The following RAB7A variants were observed in gnomAD, a reference collection of about 807,000 sequenced individuals.
RAB7A encodes ras-related protein Rab-7a.
A neutral mutation model predicts 24.5 loss-of-function variants in RAB7A; 2 were observed. The observed-to-expected ratio is 0.08, with a 90% confidence interval of 0.03 to 0.26. RAB7A has a LOEUF of 0.26. Among genes scored for constraint, RAB7A ranks in the 10% least tolerant of loss-of-function variants. The pLI is 1.00. For synonymous variants in RAB7A, 100 were observed against 95.9 expected (o/e 1.04, Z -0.25); for missense variants, 118 against 255.7 (o/e 0.46, Z 3.67).
intron 1 of RAB7A, among the ~76,000 whole-genome samples, chr3:128,776,052 C>A (rs887388472): frequency 1.3e-5 from 2 of 152,178 alleles, no homozygotes; most frequent in Admixed American, 6.5e-5. Flanking sequence ...GTCACCCTAC[C>A]CTCAGGTTCT....
chr3:128,738,915 G>A (rs999919080), intron 1 of RAB7A, among the ~76,000 whole-genome samples: 4 of 152,204 alleles, frequency 2.6e-5, no homozygotes, highest in Non-Finnish European at 5.9e-5. Context: ...CTTAAGCAAG[G>A]CCATAGTATG....
At chr3:128,776,760 A>T (rs1341835997) in intron 1 of RAB7A, among the ~76,000 whole-genome samples, 3 of 152,124 alleles carry the variant, frequency 2.0e-5, no homozygotes, top group African/African-American at 7.2e-5. Context: ...TAATACTTTC[A>T]GCAGCCTCCA....
intron 1 of RAB7A, among the ~76,000 whole-genome samples, chr3:128,751,531 A>T (rs890986309): frequency 6.6e-6 from 1 of 152,178 alleles, no homozygotes; most frequent in Non-Finnish European, 1.5e-5. Context: ...AATTTCTACC[A>T]TTCAGAACAG....
In RAB7A at chr3:128,763,871, C is replaced by CG. The variant is rs1164601508; in HGVS notation, c.-8-31489_-8-31488insG. ...TTCACCTGTTAGATTCCCGCCCCCC[C>CG]CCCCGCCCCTGCTTTTCAACTAATA... On this transcript the variant is annotated intron_variant, in intron 1 of 5. Coordinates refer to ENST00000265062, the MANE Select transcript of RAB7A (RefSeq NM_004637.6). Among the ~76,000 whole-genome samples the CG allele has an allele frequency of 2.6e-5, 3 of 114,972 alleles. No individual in the cohort carries two copies. The Admixed American group carries it at 3.2e-4, about 12-fold the overall frequency. 75.4% of individuals were successfully genotyped at this position (114,972 alleles called of 152,430 possible).
intron 1 of RAB7A, among the ~76,000 whole-genome samples, chr3:128,756,810 G>A (rs1559784369): frequency 1.3e-5 from 2 of 151,716 alleles, no homozygotes. Context: ...TTCATATTTG[G>A]ACTGTTGGGG....
intron 1 of RAB7A, 59 bp downstream of exon 1, chr3:128,726,418 G>A (rs1371654334): frequency 1.3e-5 from 2 of 151,722 alleles, no homozygotes; most frequent in Non-Finnish European, 2.9e-5. Flanking sequence ...TCAGCCCCTC[G>A]GTCGCCAGGG....
chr3:128,794,764 CAG>C (rs777357921), intron 1 of RAB7A, among the ~76,000 whole-genome samples: 1 of 152,084 alleles, frequency 6.6e-6, no homozygotes, highest in Non-Finnish European at 1.5e-5. Flanking sequence ...ACTAGAGCTG[CAG>C]AGTCAAGTAT....
chr3:128,779,219 G>A (rs1933160425), intron 1 of RAB7A, among the ~76,000 whole-genome samples: 1 of 152,126 alleles, frequency 6.6e-6, no homozygotes, highest in Non-Finnish European at 1.5e-5. Flanking sequence ...TTTGAGACCA[G>A]CCTGGCCAAC....
intron 3 of RAB7A, among the ~76,000 whole-genome samples, chr3:128,802,620 GC>G (rs1267672894): frequency 7.6e-6 from 1 of 131,642 alleles, no homozygotes; most frequent in Non-Finnish European, 1.6e-5. Context: ...AAGCAATTCT[GC>G]CTCAGCCTCC....
intron 1 of RAB7A, among the ~76,000 whole-genome samples, chr3:128,729,394 C>G (rs1024364101): frequency 3.9e-5 from 6 of 152,002 alleles, no homozygotes; most frequent in African/African-American, 1.4e-4. Context: ...CACAGTGAAA[C>G]CCCATCTCTA....
chr3:128,755,343 T>C (rs1258620959), intron 1 of RAB7A, among the ~76,000 whole-genome samples: 1 of 152,056 alleles, frequency 6.6e-6, no homozygotes, highest in Non-Finnish European at 1.5e-5. Flanking sequence ...AAACTTATGA[T>C]ATGCCACAAA....
intron 1 of RAB7A, among the ~76,000 whole-genome samples, chr3:128,793,046 C>T (rs1011657366): frequency 2.0e-5 from 3 of 150,692 alleles, no homozygotes; most frequent in East Asian, 2.0e-4. Context: ...TTTTTTGAGA[C>T]GGAGTCTCGC....
intron 1 of RAB7A, among the ~76,000 whole-genome samples, chr3:128,789,006 A>G (rs752449465): frequency 6.6e-6 from 1 of 152,248 alleles, no homozygotes; most frequent in Non-Finnish European, 1.5e-5. Flanking sequence ...GAATTGTTTC[A>G]TCGTTCAAAT....
At position 128,764,868 on chromosome 3, in the gene RAB7A, C is replaced by T. The variant is rs1194847600; in HGVS notation, c.-8-30492C>T. The T allele has an allele frequency of 4.0e-6, 5 of 1,263,316 alleles. 1 individual carries two copies. In the South Asian group the frequency reaches 4.7e-5, roughly 12 times the overall value. The allele number at this position is 1,263,316 out of a possible 1,614,324, so 78.3% of individuals were successfully genotyped here. ...GGTGAAGAAAGTATGTGGCAAAGTT[C>T]CTCAAAGCCACATCATCGCGGTCAA... is the stretch of plus-strand genomic sequence containing the variant. On this transcript the variant is annotated intron_variant, in intron 1 of 5. Transcript: ENST00000265062.
At chr3:128,726,452 G>A (rs2070379349) in intron 1 of RAB7A, 93 bp downstream of exon 1, 1 of 152,446 alleles carries the variant, frequency 6.6e-6, no homozygotes, top group South Asian at 2.1e-4. Flanking sequence ...CTGTCCTCCT[G>A]GGCAGGCTCC....
chr3:128,743,626 C>T (rs1347182601), intron 1 of RAB7A, among the ~76,000 whole-genome samples: 1 of 152,128 alleles, frequency 6.6e-6, no homozygotes. Flanking sequence ...AGATGAAGAA[C>T]TGAAGGAGAG....
At chr3:128,793,116 C>T (rs1003354505) in intron 1 of RAB7A, among the ~76,000 whole-genome samples, 2 of 152,088 alleles carry the variant, frequency 1.3e-5, no homozygotes, top group Non-Finnish European at 2.9e-5. Flanking sequence ...CTCCACCTCC[C>T]GGGTTCAAGC....
At chr3:128,787,492 C>T (rs1314955699) in intron 1 of RAB7A, among the ~76,000 whole-genome samples, 6 of 152,122 alleles carry the variant, frequency 3.9e-5, no homozygotes, top group Non-Finnish European at 7.3e-5. Context: ...TGCAAAATGG[C>T]ATGGTAGGAC....
At chr3:128,726,493 G>A in intron 1 of RAB7A, 134 bp downstream of exon 1, 1 of 152,666 alleles carries the variant, frequency 6.6e-6, no homozygotes, top group Non-Finnish European at 1.5e-5. Context: ...GGGCACACCC[G>A]GCATCGCTCA....
Sources: allele counts gnomAD v4.1 joint callset (sites outside exome capture counted in the v4.1 genomes callset), GRCh38; gene constraint gnomAD v4.1.1; transcripts MANE v1.5; gene names NCBI Gene and HGNC (gene_info 2026-07-23, HGNC 2026-07-21).